IL1RAPL1: variants seen among roughly 807,000 people sequenced by gnomAD.
IL1RAPL1 encodes the protein interleukin 1 receptor accessory protein like 1.
In IL1RAPL1, 3 loss-of-function variants were observed where a neutral mutation model predicts 48.4. That is an observed-to-expected ratio of 0.06 (90% CI 0.03 to 0.16). The LOEUF (loss-of-function observed/expected upper bound fraction) is 0.16, where lower values mean the gene tolerates loss of function less well. Ranked by LOEUF, IL1RAPL1 falls within the 10% of genes least tolerant of loss-of-function variation. The pLI, the probability that IL1RAPL1 is intolerant of heterozygous loss-of-function variation, is 1.00. For missense variants in IL1RAPL1, 349 were observed against 530.6 expected (o/e 0.66, Z 3.36); for synonymous variants, 185 against 187.7 (o/e 0.99, Z 0.12).
chrX:29,496,063 C>G (rs1935209619), intron 5 of IL1RAPL1, among the ~76,000 whole-genome samples: 1 of 111,314 alleles, frequency 9.0e-6, no homozygotes, highest in Non-Finnish European at 1.9e-5. Context: ...CATGCATAAC[C>G]TTTATTTGAC....
Position 29,801,086 on chromosome X carries a change from C to T in IL1RAPL1, c.779-116378C>T, listed in dbSNP as rs1448866521. On this transcript the variant is annotated intron_variant, in intron 6 of 10. Coordinates refer to ENST00000378993, the MANE Select transcript of IL1RAPL1 (RefSeq NM_014271.4). ...AAAAAAAAAAAAAAAAAAAACTCATCTTTTAATGTTAGTTTATAATTTAAA... is the reference window on the plus strand; with the variant it reads ...AAAAAAAAAAAAAAAAAAAACTCATTTTTTAATGTTAGTTTATAATTTAAA... Among the ~76,000 whole-genome samples, 44 of 40,041 alleles carry T rather than the reference C, an allele frequency of 1.1e-3. 2 individuals carry two copies. The highest frequency in any genetic ancestry group is 3.4e-3 in the African/African-American group (43 of 12,611). 34.8% of individuals were successfully genotyped at this position (40,041 alleles called of 115,157 possible).
chrX:29,913,581 TG>T (rs1006130345), intron 6 of IL1RAPL1, among the ~76,000 whole-genome samples: 12 of 111,090 alleles, frequency 1.1e-4, no homozygotes, highest in African/African-American at 3.9e-4. Flanking sequence ...CTACCACCTA[TG>T]CTTTATCACT....
intron 1 of IL1RAPL1, among the ~76,000 whole-genome samples, chrX:28,606,716 A>G (rs1380694090): frequency 8.9e-6 from 1 of 111,735 alleles, no homozygotes; most frequent in African/African-American, 3.3e-5. Flanking sequence ...TCACAATAAG[A>G]TGATTTATAA....
chrX:28,737,950 T>C (rs943015174), intron 1 of IL1RAPL1, among the ~76,000 whole-genome samples: 14 of 100,747 alleles, frequency 1.4e-4, no homozygotes, highest in African/African-American at 5.0e-4. Context: ...AAATAAAAAA[T>C]ATGTAATGTA....
At chrX:29,099,935 C>T (rs943990643) in intron 2 of IL1RAPL1, among the ~76,000 whole-genome samples, 8 of 110,646 alleles carry the variant, frequency 7.2e-5, no homozygotes, top group Non-Finnish European at 1.3e-4. Flanking sequence ...TGTATTAGGC[C>T]GGGCGTGGTG....
intron 1 of IL1RAPL1, among the ~76,000 whole-genome samples, chrX:28,651,237 C>T (rs932464633): frequency 4.5e-5 from 5 of 112,325 alleles, no homozygotes; most frequent in Admixed American, 3.8e-4. Flanking sequence ...CAGTCTCAAG[C>T]ATTTCAGATA....
chrX:29,176,085 CTTTTTTTTT>C (rs752040172), intron 2 of IL1RAPL1, among the ~76,000 whole-genome samples: 1 of 75,750 alleles, frequency 1.3e-5, no homozygotes, highest in African/African-American at 4.9e-5. Flanking sequence ...TGGTAATTTG[CTTTTTTTTT>C]TTTTTTTTTT....
At chrX:28,945,214 C>G (rs1006714099) in intron 2 of IL1RAPL1, among the ~76,000 whole-genome samples, 22 of 110,986 alleles carry the variant, frequency 2.0e-4, no homozygotes, top group African/African-American at 7.2e-4. Context: ...GGATCTAGAA[C>G]CAGAAATACC....
intron 5 of IL1RAPL1, among the ~76,000 whole-genome samples, chrX:29,639,545 G>GT (rs10719537): frequency 2.1e-4 from 16 of 76,616 alleles, no homozygotes; most frequent in Middle Eastern, 6.5e-3. Context: ...ATAATTAAAA[G>GT]TTTTTTTTTT....
chrX:29,341,178 A>G (rs988488258), intron 3 of IL1RAPL1, among the ~76,000 whole-genome samples: 1 of 109,781 alleles, frequency 9.1e-6, no homozygotes, highest in Non-Finnish European at 1.9e-5. Flanking sequence ...TTAGACAACA[A>G]TATACCATTA....
chrX:28,866,681 A>G (rs894171582), intron 2 of IL1RAPL1, among the ~76,000 whole-genome samples: 5 of 111,831 alleles, frequency 4.5e-5, no homozygotes, highest in African/African-American at 1.6e-4. Context: ...AATTCTAAAA[A>G]TAACCCTGTA....
intron 2 of IL1RAPL1, among the ~76,000 whole-genome samples, chrX:28,830,724 C>T (rs1921021795): frequency 9.1e-6 from 1 of 110,426 alleles, no homozygotes. Flanking sequence ...GTGTATGTGT[C>T]TCAAATTTTT....
intron 1 of IL1RAPL1, among the ~76,000 whole-genome samples, chrX:28,598,731 C>A (rs1177554229): frequency 2.8e-5 from 3 of 106,431 alleles, no homozygotes; most frequent in African/African-American, 1.0e-4. Flanking sequence ...CGGGTTCAAG[C>A]AAATCTCCTC....
rs541151811 is a variant in IL1RAPL1 at position 28,972,278 on chromosome X, C to T, written c.82+182853C>T. On this transcript the variant is annotated intron_variant, in intron 2 of 10. Coordinates refer to ENST00000378993, the MANE Select transcript of IL1RAPL1 (RefSeq NM_014271.4). The stretch of plus-strand genomic sequence containing the variant: ...ATTATTATTATCATTTATTAAGAAA[C>T]TTACATTGCTAGACATAAAACATGA... Among the ~76,000 whole-genome samples the T allele has an allele frequency of 3.5e-4, 39 of 111,481 alleles. 1 individual carries two copies. The South Asian group carries it at 0.014, about 40-fold the overall frequency.
At chrX:28,807,890 T>C (rs1936750180) in intron 2 of IL1RAPL1, among the ~76,000 whole-genome samples, 1 of 110,668 alleles carries the variant, frequency 9.0e-6, no homozygotes, top group Admixed American at 9.7e-5. Flanking sequence ...TAGTGATGAC[T>C]GATGACTCTA....
At position 29,004,469 on chromosome X, in the gene IL1RAPL1, G is replaced by A. The variant is rs751505657; in HGVS notation, c.82+215044G>A. ...GTTTATACGGAGAAAAGTAATTTTCGTAGGCAGTGAACACATAAGGAAACT... is the reference window on the plus strand; with the variant it reads ...GTTTATACGGAGAAAAGTAATTTTCATAGGCAGTGAACACATAAGGAAACT... On this transcript the variant is annotated intron_variant, in intron 2 of 10. Transcript: ENST00000378993. Among the ~76,000 whole-genome samples the A allele has an allele frequency of 7.2e-5, 8 of 111,808 alleles. No homozygotes were observed. The East Asian group carries it at 8.5e-4, about 12-fold the overall frequency.
intron 5 of IL1RAPL1, among the ~76,000 whole-genome samples, chrX:29,409,099 C>G (rs1472091012): frequency 2.7e-5 from 3 of 111,814 alleles, no homozygotes; most frequent in Middle Eastern, 4.6e-3. Flanking sequence ...TTTAAAAAAA[C>G]TGTTTTTGTT....
intron 3 of IL1RAPL1, among the ~76,000 whole-genome samples, chrX:29,312,828 T>C (rs1024803866): frequency 9.0e-6 from 1 of 111,003 alleles, no homozygotes; most frequent in Admixed American, 9.6e-5. Flanking sequence ...TCTCCCATAC[T>C]GTTCTGGTGG....
chrX:29,185,937 A>T (rs1221025106), intron 2 of IL1RAPL1, among the ~76,000 whole-genome samples: 1 of 111,534 alleles, frequency 9.0e-6, no homozygotes, highest in East Asian at 2.8e-4. Context: ...GCAGCAAATG[A>T]CTAAGAAGAA....
Sources: allele counts gnomAD v4.1 joint callset (sites outside exome capture counted in the v4.1 genomes callset), GRCh38; gene constraint gnomAD v4.1.1; transcripts MANE v1.5; gene names NCBI Gene and HGNC (gene_info 2026-07-23, HGNC 2026-07-21).